Variants in UBTD2 observed in about 807,000 individuals in gnomAD.
UBTD2 encodes the protein ubiquitin domain-containing protein 2.
In UBTD2, 9 loss-of-function variants were observed where a neutral mutation model predicts 19.8. That is an observed-to-expected ratio of 0.46 (90% CI 0.27 to 0.79). The LOEUF is 0.79. Ranked by LOEUF, UBTD2 falls within the 30% of genes least tolerant of loss-of-function variation. The probability of loss-of-function intolerance (pLI) is 0.14; values close to 1 mark genes in which losing one functional copy is unlikely to be tolerated. For synonymous variants in UBTD2, 98 were observed against 103.9 expected (o/e 0.94, Z 0.35); for missense variants, 250 against 300.4 (o/e 0.83, Z 1.24).
chr5:172,279,982 T>C (rs933779980), intron 1 of UBTD2, among the ~76,000 whole-genome samples: 9 of 152,032 alleles, frequency 5.9e-5, no homozygotes, highest in African/African-American at 1.2e-4. Flanking sequence ...ACGCCGGTAA[T>C]GCCAGCTACT....
chr5:172,263,399 T>C (rs1755311555), intron 1 of UBTD2, among the ~76,000 whole-genome samples: 1 of 152,222 alleles, frequency 6.6e-6, no homozygotes, highest in South Asian at 2.1e-4. Flanking sequence ...TTGTGAAATA[T>C]ATCTGTATTA....
At chr5:172,213,638 G>A (rs887251774) in intron 2 of UBTD2, among the ~76,000 whole-genome samples, 22 of 151,768 alleles carry the variant, frequency 1.4e-4, no homozygotes, top group African/African-American at 5.3e-4. Flanking sequence ...TTAGAGACAA[G>A]GTCTTGCTAT....
intron 1 of UBTD2, among the ~76,000 whole-genome samples, chr5:172,235,216 A>G (rs1385811248): frequency 2.6e-5 from 4 of 152,218 alleles, no homozygotes; most frequent in African/African-American, 9.6e-5. Flanking sequence ...GAGGCAAGAT[A>G]CTTGGGGAAG....
intron 1 of UBTD2, among the ~76,000 whole-genome samples, chr5:172,252,666 T>C (rs1286675378): frequency 6.6e-6 from 1 of 152,162 alleles, no homozygotes; most frequent in Non-Finnish European, 1.5e-5. Context: ...AAGTTTCCTC[T>C]GCTTGAGAAA....
At chr5:172,234,609 T>C (rs1249280419) in intron 1 of UBTD2, among the ~76,000 whole-genome samples, 1 of 152,096 alleles carries the variant, frequency 6.6e-6, no homozygotes, top group Non-Finnish European at 1.5e-5. Context: ...CACAGGATCA[T>C]TAAAAAGAAT....
intron 2 of UBTD2, among the ~76,000 whole-genome samples, chr5:172,226,383 G>A (rs1337537707): frequency 6.6e-6 from 1 of 152,038 alleles, no homozygotes; most frequent in African/African-American, 2.4e-5. Flanking sequence ...TTTTGGATAT[G>A]GTGAGTCTGT....
Position 172,283,348 on chromosome 5 carries a change from G to A in UBTD2, c.70+248C>T, listed in dbSNP as rs1310829851. On this transcript the variant is annotated intron_variant, in intron 1 of 2. Transcript: ENST00000393792. The surrounding 1 kb of genome is among the most constrained non-coding windows in gnomAD (Gnocchi z 4.3). ...GCTTCGGGTCCGACTTCCCCGAGCC[G>A]AGCGGGGCGGTCGGCGAGGCCAAGG... is the stretch of plus-strand genomic sequence containing the variant. Among the ~76,000 whole-genome samples, 1 of 152,194 alleles carries A rather than the reference G, an allele frequency of 6.6e-6. No individual in the cohort carries two copies. Among genetic ancestry groups the A allele is most frequent in the Non-Finnish European group, 1.5e-5 (1 of 68,038 alleles).
At chr5:172,217,526 T>C (rs1224086674) in intron 2 of UBTD2, among the ~76,000 whole-genome samples, 1 of 152,132 alleles carries the variant, frequency 6.6e-6, no homozygotes, top group Non-Finnish European at 1.5e-5. Flanking sequence ...TGCTGTCACC[T>C]AGACTATAAT....
chr5:172,283,457 G>T lies in UBTD2; in HGVS notation c.70+139C>A. The T allele has an allele frequency of 1.6e-6, 1 of 634,800 alleles. No homozygotes were observed. Among genetic ancestry groups the T allele is most frequent in the Non-Finnish European group, 2.2e-6 (1 of 451,804 alleles). 39.3% of individuals were successfully genotyped at this position (634,800 alleles called of 1,614,324 possible). On this transcript the variant is annotated intron_variant, in intron 1 of 2. Coordinates refer to ENST00000393792, the MANE Select transcript of UBTD2 (RefSeq NM_152277.3). This position sits in a 1 kb window ranked among gnomAD's most constrained non-coding sequence, Gnocchi z 4.3. ...CCCGCGGCTGGCAGGACAGCCGGAA[G>T]CGGAGCGCGGGGAATGACGTGGAAG...
intron 1 of UBTD2, among the ~76,000 whole-genome samples, chr5:172,263,605 T>A (rs1355008071): frequency 6.6e-6 from 1 of 151,902 alleles, no homozygotes; most frequent in African/African-American, 2.4e-5. Flanking sequence ...CCATCCCAGT[T>A]AACACGGTGA....
intron 2 of UBTD2, among the ~76,000 whole-genome samples, chr5:172,217,602 T>G (rs181641402): frequency 2.9e-3 from 440 of 152,100 alleles, no homozygotes; most frequent in Non-Finnish European, 4.3e-3. Flanking sequence ...CCTCCTGCCT[T>G]AGTCTCATGA....
At chr5:172,259,755 T>C (rs1457537999) in intron 1 of UBTD2, among the ~76,000 whole-genome samples, 1 of 152,036 alleles carries the variant, frequency 6.6e-6, no homozygotes, top group Non-Finnish European at 1.5e-5. Context: ...GCTTTTGGAC[T>C]GTATCAACAG....
At chr5:172,260,942 A>G (rs1444045817) in intron 1 of UBTD2, among the ~76,000 whole-genome samples, 1 of 152,226 alleles carries the variant, frequency 6.6e-6, no homozygotes, top group African/African-American at 2.4e-5. Context: ...GGTTTGTTGA[A>G]TAGGCCCTAT....
At chr5:172,266,563 G>A (rs1280073637) in intron 1 of UBTD2, among the ~76,000 whole-genome samples, 1 of 152,160 alleles carries the variant, frequency 6.6e-6, no homozygotes, top group Non-Finnish European at 1.5e-5. Context: ...ACATAAGTCT[G>A]TTCCAATTGG....
intron 1 of UBTD2, among the ~76,000 whole-genome samples, chr5:172,270,350 ATTTTT>A (rs758440849): frequency 0.015 from 1,466 of 98,754 alleles, 18 homozygotes; most frequent in African/African-American, 0.055. Context: ...GAATTTTAGA[ATTTTT>A]TTTTTTTTTT....
chr5:172,225,933 C>A (rs886679869), intron 2 of UBTD2, among the ~76,000 whole-genome samples: 1 of 107,514 alleles, frequency 9.3e-6, no homozygotes, highest in Non-Finnish European at 1.8e-5. Flanking sequence ...GGCTTAAACT[C>A]TTTTTTTTTT....
At position 172,246,878 on chromosome 5, in the gene UBTD2, C is replaced by T. The variant is rs551088518; in HGVS notation, c.71-12520G>A. The stretch of plus-strand genomic sequence containing the variant: ...TTCCAGATTCAAGCCATTCTCCCGT[C>T]TCAGCCTCCCAAGTAGCTGGGATTG... On this transcript the variant is annotated intron_variant, in intron 1 of 2. Transcript: ENST00000393792. Among the ~76,000 whole-genome samples, 26 of 148,032 alleles carry T rather than the reference C, an allele frequency of 1.8e-4. No homozygotes were observed. The East Asian group carries it at 2.9e-3, about 16-fold the overall frequency.
chr5:172,255,603 T>C (rs1464622246), intron 1 of UBTD2, among the ~76,000 whole-genome samples: 1 of 152,062 alleles, frequency 6.6e-6, no homozygotes, highest in Non-Finnish European at 1.5e-5. Context: ...CGGGAGCGCA[T>C]GCAGCAGGCG....
At chr5:172,233,095 G>A (rs1019631530) in intron 2 of UBTD2, among the ~76,000 whole-genome samples, 1 of 152,114 alleles carries the variant, frequency 6.6e-6, no homozygotes, top group Admixed American at 6.5e-5. Flanking sequence ...CCTGCTGGGC[G>A]ACAGAGCAAG....
Sources: gnomAD v4.1 joint callset for allele counts (sites outside exome capture counted in the v4.1 genomes callset) on GRCh38, gnomAD v4.1.1 for gene constraint, Gnocchi (gnomAD v3.1) non-coding constraint, MANE v1.5 for transcripts, NCBI Gene and HGNC (gene_info 2026-07-23, HGNC 2026-07-21) for gene names.